ANKS1B: variants seen among roughly 807,000 people sequenced by gnomAD.
ANKS1B encodes the protein ankyrin repeat and sterile alpha motif domain-containing protein 1B.
Under a neutral mutation model 148.3 loss-of-function variants are expected in ANKS1B, and 36 were observed. The ratio of observed to expected loss-of-function variants is 0.24; its 90% confidence interval spans 0.19 to 0.32. The LOEUF is 0.32. Ranked by LOEUF, ANKS1B falls within the 10% of genes least tolerant of loss-of-function variation. ANKS1B has a pLI of 1.00. For synonymous variants in ANKS1B, 542 were observed against 560.8 expected, an observed-to-expected ratio of 0.97 and a Z score of 0.47; for missense variants, 1,157 against 1,542.6, an observed-to-expected ratio of 0.75 and a Z score of 4.19.
intron 1 of ANKS1B, among the ~76,000 whole-genome samples, chr12:99,829,264 A>C (rs2083606126): frequency 6.6e-6 from 1 of 152,196 alleles, no homozygotes; most frequent in Non-Finnish European, 1.5e-5. Context: ...TAATCCCAGC[A>C]CTTTAGGAGA....
intron 8 of ANKS1B, among the ~76,000 whole-genome samples, chr12:99,712,384 A>G (rs982557061): frequency 2.0e-5 from 3 of 152,218 alleles, no homozygotes; most frequent in Admixed American, 6.5e-5. Flanking sequence ...TGAAGCTACA[A>G]TTAAGGTTCC....
intron 11 of ANKS1B, among the ~76,000 whole-genome samples, chr12:99,415,760 G>A (rs1216469575): frequency 6.6e-6 from 1 of 151,490 alleles, no homozygotes; most frequent in Non-Finnish European, 1.5e-5. Flanking sequence ...CTCGGCTCAC[G>A]GCAAGCTCCG....
At chr12:99,518,273 A>C (rs1460956597) in intron 9 of ANKS1B, among the ~76,000 whole-genome samples, 1 of 152,068 alleles carries the variant, frequency 6.6e-6, no homozygotes, top group South Asian at 2.1e-4. Context: ...TTTTTGGAAT[A>C]GTTTCAGTAG....
intron 1 of ANKS1B, among the ~76,000 whole-genome samples, chr12:99,856,706 G>A (rs1019346230): frequency 2.0e-5 from 3 of 151,982 alleles, no homozygotes; most frequent in Admixed American, 6.6e-5. Context: ...GGTTTCATAC[G>A]AGGGATGCGG....
chr12:99,315,629 A>AT (rs1165496578), intron 12 of ANKS1B, among the ~76,000 whole-genome samples: 2 of 152,088 alleles, frequency 1.3e-5, no homozygotes, highest in Non-Finnish European at 2.9e-5. Context: ...CCATTTGGTG[A>AT]TTTTTTGTAT....
intron 9 of ANKS1B, among the ~76,000 whole-genome samples, chr12:99,527,574 C>T (rs749330158): frequency 2.6e-4 from 39 of 152,096 alleles, no homozygotes; most frequent in Non-Finnish European, 5.3e-4. Flanking sequence ...TACAATTATC[C>T]CAGGTCATGT....
chr12:99,813,802 C>T (rs938017327), intron 2 of ANKS1B, among the ~76,000 whole-genome samples: 1 of 151,618 alleles, frequency 6.6e-6, no homozygotes, highest in Non-Finnish European at 1.5e-5. Flanking sequence ...CTTTGAAAAA[C>T]CAGCATTATT....
Position 99,825,362 on chromosome 12 carries a change from G to A in ANKS1B, c.162C>T (p.Cys54=), listed in dbSNP as rs573244546. ...LSIWRGPNVN[C]TDSSGYTALH... The stretch of plus-strand genomic sequence containing the variant: ...AAGCAGTGTAACCCGAACTGTCTGT[G>A]CAGTTCACATTGGGGCCTCGCCAGA... Residue 54 remains cysteine (C), a synonymous_variant, in exon 2 of 27, where the codon TGC becomes TGT. Coordinates refer to ENST00000683438, the MANE Select transcript of ANKS1B (RefSeq NM_001352186.2). 4 of 1,612,060 alleles carry A rather than the reference G, an allele frequency of 2.5e-6. No homozygotes were observed. The highest frequency in any genetic ancestry group is 1.7e-5 in the Admixed American group (1 of 59,798).
intron 16 of ANKS1B, among the ~76,000 whole-genome samples, chr12:99,065,634 CCATCCCATCCATCCAT>C (rs1217149760): frequency 1.1e-4 from 15 of 134,046 alleles, no homozygotes; most frequent in East Asian, 7.3e-4. Flanking sequence ...ATCCATCCAT[CCATCCCATCCATCCAT>C]CCATCCATCC....
At chr12:99,768,598 C>T (rs1216812108) in intron 8 of ANKS1B, among the ~76,000 whole-genome samples, 2 of 152,008 alleles carry the variant, frequency 1.3e-5, no homozygotes, top group African/African-American at 4.8e-5. Context: ...GAAGCCGAGG[C>T]AGGCAGATCA....
At chr12:99,236,882 A>C (rs1380216895) in intron 14 of ANKS1B, among the ~76,000 whole-genome samples, 1 of 152,204 alleles carries the variant, frequency 6.6e-6, no homozygotes, top group Non-Finnish European at 1.5e-5. Context: ...TCTCACTTAT[A>C]AGTGGGAGCT....
chr12:99,369,505 C>T (rs1257327590), intron 12 of ANKS1B, among the ~76,000 whole-genome samples: 1 of 151,958 alleles, frequency 6.6e-6, no homozygotes, highest in African/African-American at 2.4e-5. Flanking sequence ...GCTGCAAGGT[C>T]ATTTTGGGGA....
chr12:99,772,306 A>G (rs2153621732), intron 8 of ANKS1B, among the ~76,000 whole-genome samples: 1 of 152,094 alleles, frequency 6.6e-6, no homozygotes, highest in Admixed American at 6.6e-5. Flanking sequence ...TTACTCAACT[A>G]TATCATCTGT....
intron 10 of ANKS1B, among the ~76,000 whole-genome samples, chr12:99,457,993 G>A (rs1008911449): frequency 1.3e-5 from 2 of 151,890 alleles, no homozygotes; most frequent in Non-Finnish European, 2.9e-5. Flanking sequence ...ATCAGCACAG[G>A]GGACATTCTC....
intron 12 of ANKS1B, among the ~76,000 whole-genome samples, chr12:99,391,881 C>G (rs1025711852): frequency 1.3e-5 from 2 of 152,114 alleles, no homozygotes; most frequent in African/African-American, 4.8e-5. Flanking sequence ...CATGATTTAT[C>G]AAGAAGTGAC....
intron 10 of ANKS1B, among the ~76,000 whole-genome samples, chr12:99,450,148 TCAGTCCA>T (rs1351770567): frequency 6.6e-6 from 1 of 152,124 alleles, no homozygotes; most frequent in Non-Finnish European, 1.5e-5. Context: ...AGCCAACATT[TCAGTCCA>T]AGTCTGGAGG....
intron 17 of ANKS1B, among the ~76,000 whole-genome samples, chr12:98,937,832 T>G (rs1481690169): frequency 6.6e-6 from 1 of 152,084 alleles, no homozygotes; most frequent in African/African-American, 2.4e-5. Flanking sequence ...TGGGGAGGCC[T>G]CAGGAAATGT....
chr12:98,881,821 AT>A (rs2099708837), intron 17 of ANKS1B, among the ~76,000 whole-genome samples: 1 of 152,154 alleles, frequency 6.6e-6, no homozygotes, highest in Non-Finnish European at 1.5e-5. Flanking sequence ...TACTAATTTA[AT>A]GCATAAAGTC....
At chr12:98,957,898 T>G (rs554904975) in intron 17 of ANKS1B, among the ~76,000 whole-genome samples, 37 of 152,230 alleles carry the variant, frequency 2.4e-4, no homozygotes, top group Middle Eastern at 6.8e-3. Context: ...TGCCCACACT[T>G]CCTAATCTGC....
Sources: gnomAD v4.1 joint callset for allele counts (sites outside exome capture counted in the v4.1 genomes callset) on GRCh38, gnomAD v4.1.1 for gene constraint, MANE v1.5 for transcripts, NCBI Gene and HGNC (gene_info 2026-07-23, HGNC 2026-07-21) for gene names.